NOD1: variants seen among roughly 807,000 people sequenced by gnomAD.
NOD1 encodes nucleotide binding oligomerization domain containing 1.
In NOD1, 70 loss-of-function variants were observed where a neutral mutation model predicts 81.2. The observed-to-expected ratio is 0.86, with a 90% CI of 0.71 to 1.05. NOD1 has a LOEUF of 1.05. NOD1 is among the 50% of genes least tolerant of loss of function. NOD1 has a pLI of 0.00. For missense variants in NOD1, 1,233 were observed against 1,228.0 expected, an observed-to-expected ratio of 1.00 and a Z score of -0.06; for synonymous variants, 508 against 526.9, an observed-to-expected ratio of 0.96 and a Z score of 0.49.
intron 1 of NOD1, among the ~76,000 whole-genome samples, chr7:30,473,719 A>G (rs893614992): frequency 6.6e-6 from 1 of 152,216 alleles, no homozygotes; most frequent in East Asian, 1.9e-4. Context: ...TACACAGAGC[A>G]TAAGCACATC....
Position 30,452,707 on chromosome 7 carries a change from C to A in NOD1, c.710G>T (p.Arg237Leu), listed in dbSNP as rs368548218. 1.9e-6 allele frequency: 3 copies of A among 1,613,792 alleles called. No homozygotes were observed. Among genetic ancestry groups the A allele is most frequent in the Non-Finnish European group, 2.5e-6 (3 of 1,180,050 alleles). Residue 237 changes from arginine (R) to leucine (L), a missense_variant, in exon 6 of 14, where the codon CGC (arginine) becomes CTC (leucine). Transcript: ENST00000222823. ...GVKFFFHFRC[R>L]MFSCFKESDR... ...ACTTTCCTTGAAGCAGCTGAACATG[C>A]GGCAGCGAAAGTGGAAGAAGAATTT...
At position 30,451,568 on chromosome 7, in the gene NOD1, G is replaced by C; in HGVS notation, c.1849C>G (p.Arg617Gly). 1 of 1,613,508 alleles carries C rather than the reference G, an allele frequency of 6.2e-7. No individual in the cohort carries two copies. Among genetic ancestry groups the C allele is most frequent in the Non-Finnish European group, 8.5e-7 (1 of 1,179,916 alleles). ...LVPAAALRRK[R>G]KALWAHLFSS... ...AACAGGTGTGCCCACAGGGCCTTGC[G>C]CTTTCTCCTCAGGGCTGCCGCGGGC... Residue 617 changes from arginine (R) to glycine (G), a missense_variant, in exon 6 of 14, where the codon CGC becomes GGC. Transcript: ENST00000222823. The surrounding 1 kb of genome is among the most constrained non-coding windows in gnomAD (Gnocchi z 4.2).
intron 1 of NOD1, chr7:30,469,105 T>G (rs1268100866): frequency 1.0e-6 from 1 of 985,076 alleles, no homozygotes. Context: ...CACAACAATC[T>G]GTGTTCTGTT....
intron 1 of NOD1, among the ~76,000 whole-genome samples, chr7:30,471,619 C>T (rs1021047351): frequency 8.5e-5 from 13 of 152,232 alleles, no homozygotes; most frequent in Admixed American, 8.5e-4. Context: ...AAGGCACCCT[C>T]TTTGGGATTT....
At chr7:30,466,803 T>G (rs1272911933) in intron 1 of NOD1, among the ~76,000 whole-genome samples, 1 of 152,210 alleles carries the variant, frequency 6.6e-6, no homozygotes, top group Non-Finnish European at 1.5e-5. Flanking sequence ...AGATAAAATA[T>G]AACACCATTC....
Position 30,448,281 on chromosome 7 carries a change from T to A in NOD1, c.2285+17A>T. 1 of 1,598,852 alleles carries A rather than the reference T, an allele frequency of 6.3e-7. No homozygotes were observed. The highest frequency in any genetic ancestry group is 8.6e-7 in the Non-Finnish European group (1 of 1,166,060). On this transcript the variant is annotated intron_variant, in intron 7 of 13. Coordinates refer to ENST00000222823, the MANE Select transcript of NOD1 (RefSeq NM_006092.4). ...TATTACTAGGTAGTTGGCCCAGTGTTCTGGAGAAAGACATACCCCAAATAG... is the reference window on the plus strand; with the variant it reads ...TATTACTAGGTAGTTGGCCCAGTGTACTGGAGAAAGACATACCCCAAATAG...
At chr7:30,425,840 A>G (rs1174788782) in intron 13 of NOD1, 130 bp from the exon 14 acceptor site, 2 of 724,642 alleles carry the variant, frequency 2.8e-6, no homozygotes, top group Admixed American at 2.0e-5. Flanking sequence ...AAATTAAGGA[A>G]CATACCCTTT....
At chr7:30,463,045 G>C (rs1787296068) in intron 1 of NOD1, among the ~76,000 whole-genome samples, 1 of 151,708 alleles carries the variant, frequency 6.6e-6, no homozygotes, top group Admixed American at 6.6e-5. Flanking sequence ...GATGGGAGTG[G>C]GGGAGAAATT....
At chr7:30,468,734 C>A (rs1395327922) in intron 1 of NOD1, 2 of 786,186 alleles carry the variant, frequency 2.5e-6, no homozygotes, top group Non-Finnish European at 3.1e-6. Flanking sequence ...ATAACTGGCA[C>A]ACATATACCC....
chr7:30,437,133 C>A (rs1461539883), intron 10 of NOD1, among the ~76,000 whole-genome samples: 1 of 151,856 alleles, frequency 6.6e-6, no homozygotes, highest in Non-Finnish European at 1.5e-5. Context: ...AACAAAAAAC[C>A]AAACACTGCA....
Position 30,451,937 on chromosome 7 carries a change from G to T in NOD1, c.1480C>A (p.Gln494Lys), listed in dbSNP as rs771669110. The change falls in exon 6 of 14, where the codon CAG becomes AAG. Residue 494 changes from glutamine (Q) to lysine (K), a missense_variant. Physicochemically the swap from Gln to Lys is moderately conservative, Grantham distance 53. Coordinates refer to ENST00000222823, the MANE Select transcript of NOD1 (RefSeq NM_006092.4). The surrounding 1 kb of genome is among the most constrained non-coding windows in gnomAD (Gnocchi z 4.2). ...GGCAAAGCCCGCAGGAAGCCCAGCT[G>T]CATGTCTCTCTCCTGCAGCCCGGAG... ...QASGLQERDM[Q>K]LGFLRALPEL... The T allele has an allele frequency of 2.5e-6, 4 of 1,613,608 alleles. No individual in the cohort carries two copies. The highest frequency in any genetic ancestry group is 3.4e-6 in the Non-Finnish European group (4 of 1,180,004).
At chr7:30,428,982 G>A (rs1485654716) in intron 13 of NOD1, among the ~76,000 whole-genome samples, 1 of 152,200 alleles carries the variant, frequency 6.6e-6, no homozygotes, top group Non-Finnish European at 1.5e-5. Context: ...CCAGAAAAGG[G>A]GAAGAATGAG....
chr7:30,471,639 A>G (rs1404364955), intron 1 of NOD1, among the ~76,000 whole-genome samples: 1 of 152,276 alleles, frequency 6.6e-6, no homozygotes, highest in Non-Finnish European at 1.5e-5. Flanking sequence ...TCTGGGCAAC[A>G]GCTAGGCGGA....
intron 1 of NOD1, among the ~76,000 whole-genome samples, chr7:30,462,057 T>C (rs1787144394): frequency 6.6e-6 from 1 of 152,202 alleles, no homozygotes; most frequent in Non-Finnish European, 1.5e-5. Flanking sequence ...CTTAATTGGC[T>C]TTTCAGATCA....
chr7:30,429,403 T>A lies in NOD1; in HGVS notation c.2760A>T (p.Leu920Phe). 6.2e-7 allele frequency: 1 copy of A among 1,614,198 alleles called. No individual in the cohort carries two copies. Among genetic ancestry groups the A allele is most frequent in the Non-Finnish European group, 8.5e-7 (1 of 1,179,986 alleles). The part of the protein sequence containing the change: ...AKGTAQLADA[L>F]QSNTGITEIC... ...TCTCTGTTATGCCAGTGTTGCTCTG[T>A]AACGCATCTGCCAGCTGGGCAGTCC... Residue 920 changes from leucine to phenylalanine, a missense_variant, in exon 13 of 14, where the codon TTA becomes TTT. By Grantham distance (22) the Leu-to-Phe change is conservative (BLOSUM62 0). Coordinates refer to ENST00000222823, the MANE Select transcript of NOD1 (RefSeq NM_006092.4).
rs1006839208 is a variant in NOD1 at position 30,426,888 on chromosome 7, G to T, written c.2790-1178C>A. On this transcript the variant is annotated intron_variant, in intron 13 of 13. Transcript: ENST00000222823. ...TCCTATTCATCCTTCATGGCTTAGT[G>T]TAAGTGCTGCTTCCTCAGAGAGGCC... is the stretch of plus-strand genomic sequence containing the variant. Among the ~76,000 whole-genome samples the T allele has an allele frequency of 1.8e-4, 28 of 152,168 alleles. 1 individual carries two copies. The highest frequency in any genetic ancestry group is 3.2e-3 in the Middle Eastern group (1 of 316).
rs1583720705 is a variant in NOD1 at position 30,446,760 on chromosome 7, C to T, written c.2369+207G>A. 7.3e-6 allele frequency: 4 copies of T among 547,062 alleles called. No individual in the cohort carries two copies. In the East Asian group the frequency reaches 9.1e-5, roughly 12 times the overall value. 33.9% of individuals were successfully genotyped at this position (547,062 alleles called of 1,614,324 possible). ...CTAGTAGTTAATGAAATCAAAATGC[C>T]AACCTTTCCCCCTACCAATAACGGG... On this transcript the variant is annotated intron_variant, in intron 8 of 13. Coordinates refer to ENST00000222823, the MANE Select transcript of NOD1 (RefSeq NM_006092.4).
intron 1 of NOD1, among the ~76,000 whole-genome samples, chr7:30,471,652 A>G (rs1788288744): frequency 6.6e-6 from 1 of 152,272 alleles, no homozygotes; most frequent in South Asian, 2.1e-4. Flanking sequence ...TAGGCGGAGC[A>G]GAACAGACTA....
chr7:30,434,941 T>TG (rs1784256556), intron 11 of NOD1, among the ~76,000 whole-genome samples: 1 of 148,602 alleles, frequency 6.7e-6, no homozygotes, highest in South Asian at 2.1e-4. Context: ...TAAGGAATGT[T>TG]TTTTTTTTTT....
Sources: allele counts gnomAD v4.1 joint callset (sites outside exome capture counted in the v4.1 genomes callset), GRCh38; gene constraint gnomAD v4.1.1; non-coding constraint Gnocchi (gnomAD v3.1); transcripts MANE v1.5; gene names NCBI Gene and HGNC (gene_info 2026-07-23, HGNC 2026-07-21).